GRAMD1B: variants seen among roughly 807,000 people sequenced by gnomAD.
GRAMD1B encodes protein Aster-B.
GRAMD1B carries 37 observed loss-of-function variants against 99.7 expected under a neutral mutation model. The ratio of observed to expected loss-of-function variants is 0.37; its 90% CI spans 0.29 to 0.49. The LOEUF is 0.49. Among genes scored for constraint, GRAMD1B ranks in the 20% least tolerant of loss-of-function variants. The probability of loss-of-function intolerance (pLI) is 0.98; values close to 1 mark genes in which losing one functional copy is unlikely to be tolerated. For missense variants in GRAMD1B, 888 were observed against 1,009.2 expected, an observed-to-expected ratio of 0.88 and a Z score of 1.63; for synonymous variants, 427 against 387.6, an observed-to-expected ratio of 1.10 and a Z score of -1.19.
At chr11:123,411,294 G>T (rs913850045) in intron 1 of GRAMD1B, among the ~76,000 whole-genome samples, 1 of 151,944 alleles carries the variant, frequency 6.6e-6, no homozygotes, top group Non-Finnish European at 1.5e-5. Flanking sequence ...GTGAGCCACC[G>T]CACCCGGCAA....
At chr11:123,479,333 C>T (rs934048291) in intron 1 of GRAMD1B, among the ~76,000 whole-genome samples, 2 of 152,180 alleles carry the variant, frequency 1.3e-5, no homozygotes, top group African/African-American at 4.8e-5. Flanking sequence ...GACCACAGAA[C>T]TCATGTGCTT....
At chr11:123,578,380 C>G (rs1948964542) in intron 3 of GRAMD1B, 1 of 1,516,748 alleles carries the variant, frequency 6.6e-7, no homozygotes, top group Middle Eastern at 1.7e-4. Flanking sequence ...CACCATTTCC[C>G]AAATACCTTC....
At chr11:123,552,165 T>C (rs1945675726) in intron 2 of GRAMD1B, among the ~76,000 whole-genome samples, 1 of 150,724 alleles carries the variant, frequency 6.6e-6, no homozygotes, top group Non-Finnish European at 1.5e-5. Context: ...CTTGTGGTCA[T>C]TCAACACTCT....
chr11:123,590,916 C>T (rs1360987547), intron 4 of GRAMD1B, among the ~76,000 whole-genome samples: 1 of 152,154 alleles, frequency 6.6e-6, no homozygotes, highest in African/African-American at 2.4e-5. Context: ...CGGGGTTAGA[C>T]CCTGGACCCG....
At chr11:123,531,730 G>GT (rs57528529) in intron 2 of GRAMD1B, among the ~76,000 whole-genome samples, 5,141 of 78,002 alleles carry the variant, frequency 0.066, 216 homozygotes, top group East Asian at 0.14. Context: ...TTGCTAGATG[G>GT]TTTTTTTTTT....
intron 2 of GRAMD1B, among the ~76,000 whole-genome samples, chr11:123,517,497 G>A (rs1223154250): frequency 2.0e-5 from 3 of 152,128 alleles, no homozygotes; most frequent in African/African-American, 7.2e-5. Flanking sequence ...CAACCTGATG[G>A]GTGCTTGTCA....
chr11:123,387,394 T>C (rs753259048), intron 1 of GRAMD1B, among the ~76,000 whole-genome samples: 19 of 152,098 alleles, frequency 1.2e-4, no homozygotes, highest in Admixed American at 3.3e-4. Context: ...TGAGGCCCAG[T>C]GTTTATCATC....
At chr11:123,416,431 A>G (rs577957798) in intron 1 of GRAMD1B, among the ~76,000 whole-genome samples, 1 of 152,346 alleles carries the variant, frequency 6.6e-6, no homozygotes, top group African/African-American at 2.4e-5. Flanking sequence ...TAATAATGAT[A>G]TGATAAAGAT....
intron 2 of GRAMD1B, among the ~76,000 whole-genome samples, chr11:123,500,860 G>A (rs1939785833): frequency 6.6e-6 from 1 of 152,040 alleles, no homozygotes; most frequent in Admixed American, 6.6e-5. Context: ...TTTTTGTAGA[G>A]ACAAGGTTTC....
Position 123,613,652 on chromosome 11 carries a change from G to A in GRAMD1B, c.2221G>A (p.Val741Met), listed in dbSNP as rs1202425504. The A allele has an allele frequency of 6.2e-7, 1 of 1,612,748 alleles. No individual in the cohort carries two copies. The highest frequency in any genetic ancestry group is 8.5e-7 in the Non-Finnish European group (1 of 1,179,498). The change falls in exon 16 of 20, where the codon GTG (valine) becomes ATG (methionine). Residue 741 changes from valine to methionine, a missense_variant. This residue lies in a region of GRAMD1B where 232 missense variants were observed against 261.7 expected (regional missense o/e 0.89). Transcript: ENST00000635736. ...DEDVGHRIKHVAGSTQTRHIP... is the reference protein window; with the variant it reads ...DEDVGHRIKHMAGSTQTRHIP... ...GGATGTGGGCCACAGGATCAAACAT[G>A]TGGCAGGTGTGTGCCAGGTGGGGAC... is the stretch of plus-strand genomic sequence containing the variant.
At chr11:123,482,025 G>A (rs773805468) in intron 2 of GRAMD1B, among the ~76,000 whole-genome samples, 4 of 152,064 alleles carry the variant, frequency 2.6e-5, no homozygotes, top group Non-Finnish European at 5.9e-5. Flanking sequence ...ATATTATTTT[G>A]AGTAGAACAA....
rs111771171 is a variant in GRAMD1B at position 123,572,981 on chromosome 11, C to A, written c.453-4386C>A. Among the ~76,000 whole-genome samples, 970 of 150,156 alleles carry A rather than the reference C, an allele frequency of 6.5e-3. 6 individuals are homozygous for A. The highest frequency in any genetic ancestry group is 0.023 in the African/African-American group (913 of 40,478). ...CGCAGGTAGACCCCGATAGCTGAGG[C>A]AGAGGCGCAGATAGGCCCCGATGGC... On this transcript the variant is annotated intron_variant, in intron 2 of 19. Coordinates refer to ENST00000635736, the MANE Select transcript of GRAMD1B (RefSeq NM_001387025.1).
At chr11:123,560,067 C>A (rs921148966) in intron 2 of GRAMD1B, among the ~76,000 whole-genome samples, 3 of 66,130 alleles carry the variant, frequency 4.5e-5, no homozygotes, top group African/African-American at 5.5e-5. Flanking sequence ...AGGAAATAAC[C>A]CCCCCCCCCG....
intron 2 of GRAMD1B, among the ~76,000 whole-genome samples, chr11:123,514,131 C>T (rs933794259): frequency 1.3e-5 from 2 of 152,052 alleles, no homozygotes; most frequent in Non-Finnish European, 2.9e-5. Flanking sequence ...TCGGGGGAGA[C>T]AGACAAGTAA....
chr11:123,530,499 G>A (rs1943243011), intron 2 of GRAMD1B, among the ~76,000 whole-genome samples: 1 of 152,140 alleles, frequency 6.6e-6, no homozygotes, highest in Admixed American at 6.5e-5. Flanking sequence ...TCCTGCCTCA[G>A]CATCCTGAGT....
intron 4 of GRAMD1B, among the ~76,000 whole-genome samples, chr11:123,585,237 A>G (rs1263511912): frequency 1.3e-5 from 2 of 152,236 alleles, no homozygotes; most frequent in Admixed American, 6.5e-5. Context: ...TGTGAAGGAC[A>G]GAGCTGAGGA....
intron 2 of GRAMD1B, among the ~76,000 whole-genome samples, chr11:123,570,574 C>G (rs1947966341): frequency 2.6e-5 from 4 of 152,040 alleles, no homozygotes; most frequent in South Asian, 4.2e-4. Flanking sequence ...CAGGTGTGCA[C>G]CACCACGCCC....
At chr11:123,358,441 G>T (rs1202290353) in exon 1 of GRAMD1B, 6 of 152,214 alleles carry the variant, frequency 3.9e-5, no homozygotes. Context: ...CCTAGCCTCG[G>T]AGACAGTGGG....
At chr11:123,613,752 C>T (rs368268189) in intron 16 of GRAMD1B, 94 bp downstream of exon 16, 52 of 822,158 alleles carry the variant, frequency 6.3e-5, no homozygotes, top group African/African-American at 6.3e-4. Context: ...TCATTTTGCA[C>T]CTTGGCTATA....
Sources: allele counts gnomAD v4.1 joint callset (sites outside exome capture counted in the v4.1 genomes callset), GRCh38; gene constraint gnomAD v4.1.1; regional missense constraint gnomAD v4.1.1; transcripts MANE v1.5; gene names NCBI Gene and HGNC (gene_info 2026-07-23, HGNC 2026-07-21).